LMNB2: variants seen among roughly 807,000 people sequenced by gnomAD.
LMNB2 encodes the protein lamin B2, also known as lamin-B2.
LMNB2 carries 17 observed loss-of-function variants against 69.3 expected under a neutral mutation model. The ratio of observed to expected loss-of-function variants is 0.25; its 90% CI spans 0.17 to 0.37. The LOEUF (loss-of-function observed/expected upper bound fraction) is 0.37, where lower values mean the gene tolerates loss of function less well. Ranked by LOEUF, LMNB2 falls within the 10% of genes least tolerant of loss-of-function variation. The probability of loss-of-function intolerance (pLI) is 1.00; values close to 1 mark genes in which losing one functional copy is unlikely to be tolerated. For synonymous variants in LMNB2, 397 were observed against 389.3 expected, an observed-to-expected ratio of 1.02 and a Z score of -0.23; for missense variants, 789 against 883.6, an observed-to-expected ratio of 0.89 and a Z score of 1.36.
intron 1 of LMNB2, among the ~76,000 whole-genome samples, chr19:2,448,596 C>A (rs1339835700): frequency 6.6e-6 from 1 of 152,180 alleles, no homozygotes; most frequent in Non-Finnish European, 1.5e-5. Context: ...CCCTGTCATC[C>A]CAGCACTTTG....
intron 1 of LMNB2, among the ~76,000 whole-genome samples, chr19:2,455,621 G>T (rs1042119891): frequency 6.6e-6 from 1 of 151,902 alleles, no homozygotes; most frequent in South Asian, 2.1e-4. Context: ...TCAGGACACG[G>T]AAGATCTCCT....
chr19:2,446,247 C>T (rs941514354), intron 1 of LMNB2, among the ~76,000 whole-genome samples: 7 of 151,232 alleles, frequency 4.6e-5, no homozygotes, highest in African/African-American at 1.5e-4. Context: ...GACGGAGACC[C>T]AGCCCAGCCA....
intron 1 of LMNB2, among the ~76,000 whole-genome samples, chr19:2,446,983 AC>A (rs558839130): frequency 5.0e-4 from 76 of 152,084 alleles, no homozygotes; most frequent in African/African-American, 1.8e-3. Context: ...TACTAAAAAA[AC>A]ATACAAAAAA....
chr19:2,430,718 C>T lies in LMNB2; in HGVS notation c.*193G>A, dbSNP rs763553624. On this transcript the variant is annotated 3_prime_UTR_variant, in exon 12 of 12. Coordinates refer to ENST00000325327, the MANE Select transcript of LMNB2 (RefSeq NM_032737.4). The stretch of plus-strand genomic sequence containing the variant: ...TGGGATTGAAAAGTCTCCGGGGCAG[C>T]GGCGAAGTGGCAGCGAAGTGAGGCT... 3.1e-4 allele frequency: 210 copies of T among 669,804 alleles called. No homozygotes were observed. The highest frequency in any genetic ancestry group is 5.0e-4 in the Non-Finnish European group (180 of 362,108). The allele number at this position is 669,804 out of a possible 1,614,324, so 41.5% of individuals were successfully genotyped here. A position where few individuals can be genotyped will look rare whatever the true frequency, so the allele number is the denominator to read the frequency against.
chr19:2,430,640 G>A lies in LMNB2; in HGVS notation c.*271C>T, dbSNP rs183700524. The A allele has an allele frequency of 6.1e-5, 33 of 544,994 alleles. No individual in the cohort carries two copies. The highest frequency in any genetic ancestry group is 1.0e-4 in the Non-Finnish European group (30 of 299,718). 33.8% of individuals were successfully genotyped at this position (544,994 alleles called of 1,614,324 possible). A position where few individuals can be genotyped will look rare whatever the true frequency, so the allele number is the denominator to read the frequency against. On this transcript the variant is annotated 3_prime_UTR_variant, in exon 12 of 12. Transcript: ENST00000325327. ...AAGCCCAAGCATCTTCTAAACCTCC[G>A]GGTCCTGGCCCTGGGCTTCCAATTT...
intron 1 of LMNB2, among the ~76,000 whole-genome samples, chr19:2,450,276 G>A (rs1972006963): frequency 6.6e-6 from 1 of 152,062 alleles, no homozygotes; most frequent in South Asian, 2.1e-4. Flanking sequence ...GAACGTGGGG[G>A]AAACTATCAG....
At chr19:2,454,042 C>T (rs1972060699) in intron 1 of LMNB2, among the ~76,000 whole-genome samples, 1 of 152,078 alleles carries the variant, frequency 6.6e-6, no homozygotes, top group African/African-American at 2.4e-5. Flanking sequence ...CCTGTAATCC[C>T]AGTACTTTGG....
chr19:2,435,199 G>A, intron 4 of LMNB2, 28 bp from the exon 5 acceptor site: 1 of 1,597,308 alleles, frequency 6.3e-7, no homozygotes, highest in Non-Finnish European at 8.5e-7. Flanking sequence ...GTGACCCTCT[G>A]GTCCCGCCTG....
chr19:2,434,644 C>A (rs990098192), intron 6 of LMNB2, 129 bp from the exon 7 acceptor site: 1 of 1,496,378 alleles, frequency 6.7e-7, no homozygotes, highest in African/African-American at 1.4e-5. Context: ...ATGGGGCGCA[C>A]GGGAGGGGAG....
chr19:2,443,480 G>C lies in LMNB2; in HGVS notation c.401+924C>G, dbSNP rs999157568. ...CAAGCCACTGGCTGCTGTCACCCCC[G>C]TACCAGGTGGCCGAGGTGCCACCCC... On this transcript the variant is annotated intron_variant, in intron 2 of 11. Coordinates refer to ENST00000325327, the MANE Select transcript of LMNB2 (RefSeq NM_032737.4). This position sits in a 1 kb window ranked among gnomAD's most constrained non-coding sequence, Gnocchi z 6.2. Among the ~76,000 whole-genome samples, 16 of 150,928 alleles carry C rather than the reference G, an allele frequency of 1.1e-4. No individual in the cohort carries two copies. Among genetic ancestry groups the C allele is most frequent in the Non-Finnish European group, 1.8e-4 (12 of 67,692 alleles).
At chr19:2,454,837 G>C (rs1389924552) in intron 1 of LMNB2, among the ~76,000 whole-genome samples, 1 of 152,090 alleles carries the variant, frequency 6.6e-6, no homozygotes, top group Non-Finnish European at 1.5e-5. Flanking sequence ...AGCCTCCCCA[G>C]GGTTAGGTTG....
At position 2,429,137 on chromosome 19, in the gene LMNB2, G is replaced by C. The variant is rs1248429461; in HGVS notation, c.*1774C>G. The C allele has an allele frequency of 1.3e-5, 2 of 152,254 alleles. No individual in the cohort carries two copies. The highest frequency in any genetic ancestry group is 2.9e-5 in the Non-Finnish European group (2 of 68,074). 9.4% of individuals were successfully genotyped at this position (152,254 alleles called of 1,614,324 possible). ...ATAGGATGTGGCTGAGACCACTGCA[G>C]ACTCCCCATAGGACAAGATCACCAA... On this transcript the variant is annotated 3_prime_UTR_variant, in exon 12 of 12. Coordinates refer to ENST00000325327, the MANE Select transcript of LMNB2 (RefSeq NM_032737.4).
chr19:2,455,749 C>T (rs1972079357), intron 1 of LMNB2, among the ~76,000 whole-genome samples: 1 of 151,996 alleles, frequency 6.6e-6, no homozygotes. Flanking sequence ...CCCAAGGGGT[C>T]CCCCAAGATC....
chr19:2,449,316 T>G (rs1451668608), intron 1 of LMNB2, among the ~76,000 whole-genome samples: 1 of 152,136 alleles, frequency 6.6e-6, no homozygotes, highest in Non-Finnish European at 1.5e-5. Context: ...CCTGGGTGTG[T>G]GGTGGCTTCC....
At position 2,430,596 on chromosome 19, in the gene LMNB2, C is replaced by T. The variant is rs1235584991; in HGVS notation, c.*315G>A. ...CCGTCTCCTGTCCCCTCGCTAGCCT[C>T]GCCGGCCCTCCTCCCTCCAAGCCCA... On this transcript the variant is annotated 3_prime_UTR_variant, in exon 12 of 12. Transcript: ENST00000325327. The T allele has an allele frequency of 6.5e-6, 3 of 461,468 alleles. No homozygotes were observed. Among genetic ancestry groups the T allele is most frequent in the South Asian group, 2.1e-5 (1 of 47,822 alleles). The allele number at this position is 461,468 out of a possible 1,614,324, so 28.6% of individuals were successfully genotyped here.
In LMNB2 at chr19:2,435,128, T is replaced by C. The variant is rs757881858; in HGVS notation, c.728A>G (p.Glu243Gly). The change falls in exon 5 of 12, where the codon GAG becomes GGG. Residue 243 changes from glutamate to glycine, a missense_variant. By Grantham distance (98) the Glu-to-Gly change is moderately conservative (BLOSUM62 -2). This residue lies in a region of LMNB2 where 609 missense variants were observed against 630.9 expected (regional missense o/e 0.97). Coordinates refer to ENST00000325327, the MANE Select transcript of LMNB2 (RefSeq NM_032737.4). ...CTCCTGCTGCCGGCTGCTGTCCACC[T>C]CCACCAGGCGCCGCTCGTGCCGCCG... is the stretch of plus-strand genomic sequence containing the variant. ...TRRRHERRLV[E>G]VDSSRQQEYD... The C allele has an allele frequency of 3.7e-6, 6 of 1,606,984 alleles. No homozygotes were observed. Among genetic ancestry groups the C allele is most frequent in the Non-Finnish European group, 5.1e-6 (6 of 1,179,694 alleles).
At chr19:2,434,662 G>A in intron 6 of LMNB2, 126 bp downstream of exon 6, 8 of 1,498,230 alleles carry the variant, frequency 5.3e-6, no homozygotes, top group African/African-American at 1.4e-5. Context: ...GAGGGAAGGG[G>A]CATCGCTGGG....
chr19:2,438,492 G>A lies in LMNB2; in HGVS notation c.441C>T (p.Gly147=). Reference sequence around the variant, plus strand: ...ACAGGGACTCCAGGTCCTTCACACGGCCCTGGGCCACCGTAAGCTCGCCCT... The same window carrying A: ...ACAGGGACTCCAGGTCCTTCACACGACCCTGGGCCACCGTAAGCTCGCCCT... The part of the protein sequence containing the change: ...KREGELTVAQ[G]RVKDLESLFH... The change falls in exon 3 of 12, where the codon GGC becomes GGT. Residue 147 remains glycine (G), a synonymous_variant. Coordinates refer to ENST00000325327, the MANE Select transcript of LMNB2 (RefSeq NM_032737.4). 3.7e-6 allele frequency: 6 copies of A among 1,610,836 alleles called. No individual in the cohort carries two copies. The highest frequency in any genetic ancestry group is 5.1e-6 in the Non-Finnish European group (6 of 1,179,140).
intron 2 of LMNB2, 89 bp from the exon 3 acceptor site, chr19:2,438,620 A>G: frequency 6.6e-7 from 1 of 1,504,592 alleles, no homozygotes; most frequent in Non-Finnish European, 9.0e-7. Flanking sequence ...AAGCCCAAAG[A>G]CAAGGTCACC....
Sources: gnomAD v4.1 joint callset for allele counts (sites outside exome capture counted in the v4.1 genomes callset) on GRCh38, gnomAD v4.1.1 for gene constraint, gnomAD v4.1.1 regional missense constraint, Gnocchi (gnomAD v3.1) non-coding constraint, MANE v1.5 for transcripts, NCBI Gene and HGNC (gene_info 2026-07-23, HGNC 2026-07-21) for gene names.